DTD1: variants seen among roughly 807,000 people sequenced by gnomAD.
The protein encoded by DTD1 is D-aminoacyl-tRNA deacylase 1.
A neutral mutation model predicts 25.6 loss-of-function variants in DTD1; 13 were observed. That is an observed-to-expected ratio of 0.51 (90% CI 0.33 to 0.81). The LOEUF is 0.81. DTD1 is among the 30% of genes least tolerant of loss of function. DTD1 has a pLI of 0.02. For missense variants in DTD1, 193 were observed against 266.4 expected (o/e 0.72, Z 1.92); for synonymous variants, 110 against 103.6 (o/e 1.06, Z -0.37).
rs1210645503 is a variant in DTD1, at chr20:18,627,992, A to C, written c.371-135A>C. ...CCGTGAGGAACTGTGAGTCCGTTAA[A>C]CCTCTTTCTTTTGTAAGTTTCCCAG... On this transcript the variant is annotated intron_variant, in intron 3 of 5. Coordinates refer to ENST00000377452, the MANE Select transcript of DTD1 (RefSeq NM_080820.6). 4.2e-6 allele frequency: 3 copies of C among 714,244 alleles called. No individual in the cohort carries two copies. The East Asian group carries it at 8.5e-5, about 20-fold the overall frequency. 44.2% of individuals were successfully genotyped at this position (714,244 alleles called of 1,614,324 possible). A position where few individuals can be genotyped will look rare whatever the true frequency, so the allele number is the denominator to read the frequency against.
rs973440100 is a variant in DTD1 at position 18,680,643 on chromosome 20, A to G, written c.477+52410A>G. Reference sequence around the variant, plus strand: ...CGCTGCCTCTGGAGTGTGGCTCCTGATTCCAATGTGGGGTGCTCACTCCTG... The same window carrying G: ...CGCTGCCTCTGGAGTGTGGCTCCTGGTTCCAATGTGGGGTGCTCACTCCTG... On this transcript the variant is annotated intron_variant, in intron 4 of 5. Transcript: ENST00000377452. Among the ~76,000 whole-genome samples the G allele has an allele frequency of 3.9e-5, 6 of 152,008 alleles. No homozygotes were observed. The South Asian group carries it at 8.3e-4, about 21-fold the overall frequency.
chr20:18,713,240 C>T (rs766193389), intron 4 of DTD1, among the ~76,000 whole-genome samples: 9 of 152,268 alleles, frequency 5.9e-5, no homozygotes, highest in African/African-American at 1.7e-4. Context: ...ATTTCAGGAG[C>T]TGTTTCATGT....
intron 4 of DTD1, among the ~76,000 whole-genome samples, chr20:18,665,937 C>CAA: frequency 6.6e-6 from 1 of 152,072 alleles, no homozygotes; most frequent in South Asian, 2.1e-4. Flanking sequence ...CACTGTTACC[C>CAA]CCACAACATA....
chr20:18,732,936 G>C (rs1179074100), intron 4 of DTD1, among the ~76,000 whole-genome samples: 2 of 152,190 alleles, frequency 1.3e-5, no homozygotes, highest in Non-Finnish European at 2.9e-5. Flanking sequence ...GAGAGGGCCA[G>C]ATAATGAGTT....
At chr20:18,700,652 T>G (rs978996783) in intron 4 of DTD1, among the ~76,000 whole-genome samples, 17 of 152,164 alleles carry the variant, frequency 1.1e-4, no homozygotes, top group African/African-American at 4.1e-4. Flanking sequence ...ATGTACTTGT[T>G]TATTCCACAC....
intron 4 of DTD1, among the ~76,000 whole-genome samples, chr20:18,672,000 G>A (rs6081287): frequency 0.36 from 55,028 of 152,058 alleles, 10,285 homozygotes; most frequent in Non-Finnish European, 0.41. Context: ...TTGGGAGGCC[G>A]AGGTGGGAGG....
At chr20:18,710,372 C>T (rs956068774) in intron 4 of DTD1, among the ~76,000 whole-genome samples, 2 of 138,692 alleles carry the variant, frequency 1.4e-5, no homozygotes, top group Non-Finnish European at 3.2e-5. Flanking sequence ...CAAACATATT[C>T]TGATCTTTTT....
intron 4 of DTD1, among the ~76,000 whole-genome samples, chr20:18,711,645 G>A (rs74964360): frequency 0.03 from 4,493 of 151,994 alleles, 235 homozygotes; most frequent in African/African-American, 0.1. Context: ...TTTTTTTCTC[G>A]TGAGCTGTTC....
At chr20:18,706,792 G>A (rs994958883) in intron 4 of DTD1, among the ~76,000 whole-genome samples, 6 of 152,234 alleles carry the variant, frequency 3.9e-5, no homozygotes, top group African/African-American at 1.4e-4. Flanking sequence ...GTAACTCGGT[G>A]CTCAGTAATT....
chr20:18,661,614 G>A (rs1017078981), intron 4 of DTD1, among the ~76,000 whole-genome samples: 6 of 152,082 alleles, frequency 3.9e-5, no homozygotes, highest in African/African-American at 4.8e-5. Flanking sequence ...CTCGTGATCT[G>A]CCCGCCTTGG....
chr20:18,615,474 C>T (rs2060705790), intron 3 of DTD1, among the ~76,000 whole-genome samples: 1 of 152,188 alleles, frequency 6.6e-6, no homozygotes, highest in Non-Finnish European at 1.5e-5. Context: ...GGATCTCCAG[C>T]CTTCACATGA....
rs1420265180 is a variant in DTD1 at position 18,724,123 on chromosome 20, A to G, written c.478-19977A>G. Among the ~76,000 whole-genome samples the G allele has an allele frequency of 2.0e-5, 3 of 152,218 alleles. No individual in the cohort carries two copies. In the South Asian group the frequency reaches 6.2e-4, roughly 32 times the overall value. ...AAACTTCCTCTCACGTTCATTGGCC[A>G]GAATTCCATCATGTACTTTGTCTCA... On this transcript the variant is annotated intron_variant, in intron 4 of 5. Transcript: ENST00000377452.
At chr20:18,666,124 T>C (rs1343593313) in intron 4 of DTD1, among the ~76,000 whole-genome samples, 1 of 152,180 alleles carries the variant, frequency 6.6e-6, no homozygotes, top group Non-Finnish European at 1.5e-5. Flanking sequence ...TTTCCTTGTT[T>C]TTCACCACCT....
At position 18,645,099 on chromosome 20, in the gene DTD1, A is replaced by G. The variant is rs76329682; in HGVS notation, c.477+16866A>G. On this transcript the variant is annotated intron_variant, in intron 4 of 5. Transcript: ENST00000377452. ...CAGGGGGTTGAGGCCACAGTGAGCCATGATCGTGTGTCTGGACTCCAGCTT... is the reference window on the plus strand; with the variant it reads ...CAGGGGGTTGAGGCCACAGTGAGCCGTGATCGTGTGTCTGGACTCCAGCTT... 5.6e-3 allele frequency among the ~76,000 whole-genome samples: 848 copies of G among 152,346 alleles called. 6 individuals are homozygous for G. Among genetic ancestry groups the G allele is most frequent in the African/African-American group, 0.019 (809 of 41,574 alleles).
chr20:18,704,602 A>T (rs1333504463), intron 4 of DTD1, among the ~76,000 whole-genome samples: 4 of 152,130 alleles, frequency 2.6e-5, no homozygotes, highest in Non-Finnish European at 5.9e-5. Context: ...CATGGTTCGC[A>T]CCCATTTTGC....
At chr20:18,612,022 T>C (rs1269371322) in intron 3 of DTD1, among the ~76,000 whole-genome samples, 2 of 140,748 alleles carry the variant, frequency 1.4e-5, no homozygotes, top group Non-Finnish European at 3.0e-5. Context: ...GCCCGGCTAA[T>C]TAATTTTTGT....
intron 1 of DTD1, chr20:18,588,720 C>T (rs1360523214): frequency 1.0e-6 from 1 of 985,136 alleles, no homozygotes; most frequent in Non-Finnish European, 1.2e-6. Context: ...CTGAACTCTG[C>T]GCGGAGGGGT....
intron 4 of DTD1, among the ~76,000 whole-genome samples, chr20:18,709,700 C>T (rs987943166): frequency 6.6e-6 from 1 of 152,140 alleles, no homozygotes; most frequent in African/African-American, 2.4e-5. Context: ...TAGATGTTCT[C>T]ATGATGCAAT....
intron 3 of DTD1, among the ~76,000 whole-genome samples, chr20:18,618,269 G>T (rs1001643375): frequency 6.6e-6 from 1 of 152,126 alleles, no homozygotes; most frequent in African/African-American, 2.4e-5. Flanking sequence ...ACAGAGTGTG[G>T]TTGGACATTT....
Sources: allele counts gnomAD v4.1 joint callset (sites outside exome capture counted in the v4.1 genomes callset), GRCh38; gene constraint gnomAD v4.1.1; transcripts MANE v1.5; gene names NCBI Gene and HGNC (gene_info 2026-07-23, HGNC 2026-07-21).